SGCZ: variants seen among roughly 807,000 people sequenced by gnomAD.
SGCZ encodes sarcoglycan zeta.
A neutral mutation model predicts 41.3 loss-of-function variants in SGCZ; 40 were observed. That is an observed-to-expected ratio of 0.97 (90% CI 0.75 to 1.26). The LOEUF is 1.26. Ranked by LOEUF, SGCZ falls within the 50% of genes most tolerant of loss-of-function variation. SGCZ has a pLI of 0.00. For synonymous variants in SGCZ, 206 were observed against 137.5 expected (o/e 1.50, Z -3.49); for missense variants, 552 against 369.8 (o/e 1.49, Z -4.04).
In SGCZ at chr8:14,379,686, T is replaced by C. The variant is rs531613175; in HGVS notation, c.235-55482A>G. Among the ~76,000 whole-genome samples the C allele has an allele frequency of 2.0e-5, 3 of 152,138 alleles. No homozygotes were observed. The South Asian group carries it at 6.2e-4, about 32-fold the overall frequency. Reference sequence around the variant, plus strand: ...TATTATAGATTTAAAACTACAAGGATTGCAGGATGGGAGCTCCTACCCTAC... The same window carrying C: ...TATTATAGATTTAAAACTACAAGGACTGCAGGATGGGAGCTCCTACCCTAC... On this transcript the variant is annotated intron_variant, in intron 2 of 7. Coordinates refer to ENST00000382080, the MANE Select transcript of SGCZ (RefSeq NM_139167.4).
intron 1 of SGCZ, among the ~76,000 whole-genome samples, chr8:15,235,387 G>C (rs1377526698): frequency 6.6e-6 from 1 of 152,080 alleles, no homozygotes; most frequent in African/African-American, 2.4e-5. Flanking sequence ...TGCCAGTTTT[G>C]ACCCTCAAAA....
intron 2 of SGCZ, among the ~76,000 whole-genome samples, chr8:14,332,971 A>C (rs1802390867): frequency 6.6e-6 from 1 of 151,312 alleles, no homozygotes; most frequent in Non-Finnish European, 1.5e-5. Context: ...CACATACGAA[A>C]TGGAGAACGG....
chr8:14,201,616 T>A (rs991535110), intron 4 of SGCZ, among the ~76,000 whole-genome samples: 13 of 152,180 alleles, frequency 8.5e-5, no homozygotes, highest in African/African-American at 2.9e-4. Context: ...TAGAAATTGA[T>A]GAGAAGTGTC....
chr8:15,074,678 C>T (rs966727979), intron 1 of SGCZ, among the ~76,000 whole-genome samples: 1 of 152,130 alleles, frequency 6.6e-6, no homozygotes, highest in African/African-American at 2.4e-5. Flanking sequence ...GAAATGCTCA[C>T]GTTTCCTCCC....
intron 1 of SGCZ, among the ~76,000 whole-genome samples, chr8:15,167,777 A>C (rs1214681366): frequency 6.6e-6 from 1 of 152,276 alleles, no homozygotes; most frequent in Non-Finnish European, 1.5e-5. Flanking sequence ...GTTTTTGCCT[A>C]TATTTTAGGC....
chr8:14,741,703 C>A (rs919993406), intron 1 of SGCZ, among the ~76,000 whole-genome samples: 3 of 151,940 alleles, frequency 2.0e-5, no homozygotes, highest in Admixed American at 6.6e-5. Flanking sequence ...AGATATTTTT[C>A]TAAATTGCTT....
intron 1 of SGCZ, among the ~76,000 whole-genome samples, chr8:14,613,041 A>T (rs1311340465): frequency 2.6e-5 from 4 of 152,098 alleles, no homozygotes; most frequent in African/African-American, 9.7e-5. Context: ...GAAAGAACTT[A>T]ATCATAGGGA....
intron 1 of SGCZ, among the ~76,000 whole-genome samples, chr8:14,562,087 G>A (rs981733115): frequency 1.3e-5 from 2 of 152,182 alleles, no homozygotes; most frequent in South Asian, 2.1e-4. Flanking sequence ...TGGATGGTAT[G>A]GGAGAAAAAA....
At chr8:14,521,050 C>T (rs931440989) in intron 2 of SGCZ, among the ~76,000 whole-genome samples, 5 of 152,180 alleles carry the variant, frequency 3.3e-5, no homozygotes, top group East Asian at 3.9e-4. Context: ...AGAGAATTCC[C>T]GTGTACATCG....
At chr8:14,488,832 A>T (rs1801757387) in intron 2 of SGCZ, among the ~76,000 whole-genome samples, 1 of 151,916 alleles carries the variant, frequency 6.6e-6, no homozygotes, top group South Asian at 2.1e-4. Context: ...CTTAAATAAC[A>T]TTTTCCCCAC....
chr8:14,301,382 C>A (rs541613082), intron 3 of SGCZ, among the ~76,000 whole-genome samples: 18 of 149,134 alleles, frequency 1.2e-4, no homozygotes, highest in African/African-American at 3.6e-4. Flanking sequence ...CAAAAAAAAA[C>A]AAACAATTGT....
chr8:14,290,425 GA>G (rs1420977005), intron 3 of SGCZ, among the ~76,000 whole-genome samples: 1 of 151,938 alleles, frequency 6.6e-6, no homozygotes, highest in Non-Finnish European at 1.5e-5. Context: ...GAATATATTT[GA>G]CAACTGCACA....
intron 1 of SGCZ, among the ~76,000 whole-genome samples, chr8:14,924,855 CTTT>C (rs35271116): frequency 3.4e-4 from 37 of 108,648 alleles, no homozygotes; most frequent in Middle Eastern, 4.9e-3. Context: ...GAATTTAAGA[CTTT>C]TTTTTTTTTT....
chr8:14,972,765 C>T lies in SGCZ; in HGVS notation c.39+264820G>A, dbSNP rs77015624. ...CACTTCAATTAGAGTTTAAGTCTTA[C>T]GATAGCATACGTCCATATCTGCACT... On this transcript the variant is annotated intron_variant, in intron 1 of 7. Transcript: ENST00000382080. 3.3e-4 allele frequency among the ~76,000 whole-genome samples: 51 copies of T among 152,256 alleles called. No homozygotes were observed. In the East Asian group the frequency reaches 6.9e-3, roughly 21 times the overall value.
chr8:14,910,711 T>G (rs965042041), intron 1 of SGCZ, among the ~76,000 whole-genome samples: 1 of 151,872 alleles, frequency 6.6e-6, no homozygotes, highest in East Asian at 1.9e-4. Context: ...TGCCCAAAAT[T>G]TCTTCAAATT....
In SGCZ at chr8:14,156,152, G is replaced by C. The variant is rs1002894524; in HGVS notation, c.547+8428C>G. On this transcript the variant is annotated intron_variant, in intron 5 of 7. Coordinates refer to ENST00000382080, the MANE Select transcript of SGCZ (RefSeq NM_139167.4). ...GTACACTTTATAAACACTGTGCATA[G>C]AGGCGACGCTGAATTTATTTAAAAA... is the stretch of plus-strand genomic sequence containing the variant. Among the ~76,000 whole-genome samples, 4 of 152,236 alleles carry C rather than the reference G, an allele frequency of 2.6e-5. No homozygotes were observed. In the East Asian group the frequency reaches 7.7e-4, roughly 29 times the overall value.
intron 1 of SGCZ, among the ~76,000 whole-genome samples, chr8:14,635,852 T>A (rs528052694): frequency 6.6e-6 from 1 of 151,962 alleles, no homozygotes; most frequent in African/African-American, 2.4e-5. Context: ...AAAGTAGACA[T>A]ATTTCCTGCT....
intron 1 of SGCZ, among the ~76,000 whole-genome samples, chr8:14,921,759 A>AT (rs908519237): frequency 1.3e-5 from 2 of 152,178 alleles, no homozygotes; most frequent in Admixed American, 1.3e-4. Flanking sequence ...TTTTCCATAG[A>AT]TTTTGTTACA....
chr8:15,086,346 C>T (rs1008410642), intron 1 of SGCZ, among the ~76,000 whole-genome samples: 3 of 152,156 alleles, frequency 2.0e-5, no homozygotes, highest in Admixed American at 2.0e-4. Context: ...AAAGACCATT[C>T]GCATACCTTA....
Sources: gnomAD v4.1 joint callset for allele counts (sites outside exome capture counted in the v4.1 genomes callset) on GRCh38, gnomAD v4.1.1 for gene constraint, MANE v1.5 for transcripts, NCBI Gene and HGNC (gene_info 2026-07-23, HGNC 2026-07-21) for gene names.